The following ARHGEF3 variants were observed in gnomAD, a reference collection of about 807,000 sequenced individuals.
ARHGEF3 encodes the protein Rho guanine nucleotide exchange factor 3.
ARHGEF3 carries 28 observed loss-of-function variants against 63.2 expected under a neutral mutation model. The observed-to-expected ratio is 0.44, with a 90% CI of 0.33 to 0.61. ARHGEF3 has a LOEUF of 0.61. Among genes scored for constraint, ARHGEF3 ranks in the 20% least tolerant of loss-of-function variants. The pLI, the probability that ARHGEF3 is intolerant of heterozygous loss-of-function variation, is 0.03. For synonymous variants in ARHGEF3, 266 were observed against 254.2 expected, an observed-to-expected ratio of 1.05 and a Z score of -0.44; for missense variants, 533 against 659.3, an observed-to-expected ratio of 0.81 and a Z score of 2.10.
chr3:56,770,554 T>C (rs1214092656), intron 2 of ARHGEF3, among the ~76,000 whole-genome samples: 1 of 152,192 alleles, frequency 6.6e-6, no homozygotes, highest in Non-Finnish European at 1.5e-5. Context: ...CCATAGAAGT[T>C]GCACCGTGTG....
intron 4 of ARHGEF3, among the ~76,000 whole-genome samples, chr3:56,816,651 G>A (rs913682487): frequency 2.0e-5 from 3 of 152,190 alleles, no homozygotes; most frequent in Admixed American, 1.3e-4. Context: ...AGTATCTCAA[G>A]TAATCCTTAC....
intron 3 of ARHGEF3, among the ~76,000 whole-genome samples, chr3:56,921,227 A>G (rs34587696): frequency 6.0e-5 from 9 of 148,806 alleles, no homozygotes; most frequent in African/African-American, 1.5e-4. Context: ...AAAGACCAAA[A>G]AAAAAAAGGT....
At chr3:56,926,104 G>T (rs578142290) in intron 3 of ARHGEF3, among the ~76,000 whole-genome samples, 83 of 152,340 alleles carry the variant, frequency 5.4e-4, no homozygotes, top group African/African-American at 2.0e-3. Context: ...GAAGCACTAG[G>T]CTGCAGAGGA....
intron 2 of ARHGEF3, among the ~76,000 whole-genome samples, chr3:56,986,532 C>T (rs909324110): frequency 3.3e-5 from 5 of 152,112 alleles, no homozygotes; most frequent in African/African-American, 9.7e-5. Flanking sequence ...TAGAAGAGGC[C>T]GGAAGCAACA....
intron 1 of ARHGEF3, among the ~76,000 whole-genome samples, chr3:56,799,164 AT>A (rs1325899962): frequency 7.9e-5 from 12 of 152,126 alleles, no homozygotes; most frequent in Non-Finnish European, 1.6e-4. Context: ...ATTTTTGCAT[AT>A]TTTTTTACTC....
Position 56,727,851 on chromosome 3 carries a change from A to G in ARHGEF3, c.*1419T>C, listed in dbSNP as rs953860141. 2 of 152,658 alleles carry G rather than the reference A, an allele frequency of 1.3e-5. No individual in the cohort carries two copies. The highest frequency in any genetic ancestry group is 2.9e-5 in the Non-Finnish European group (2 of 68,046). 9.5% of individuals were successfully genotyped at this position (152,658 alleles called of 1,614,324 possible). A position where few individuals can be genotyped will look rare whatever the true frequency, so the allele number is the denominator to read the frequency against. On this transcript the variant is annotated 3_prime_UTR_variant, in exon 10 of 10. Transcript: ENST00000296315. ...TGTTTTTATATTGATATATCTTGTC[A>G]CACAGCTTGAATGCACATGATATAT...
chr3:57,015,845 T>TA (rs777766303), intron 2 of ARHGEF3, among the ~76,000 whole-genome samples: 6 of 152,106 alleles, frequency 3.9e-5, no homozygotes, highest in African/African-American at 1.2e-4. Flanking sequence ...CCACCCTTGT[T>TA]ACATTTTCAA....
intron 2 of ARHGEF3, among the ~76,000 whole-genome samples, chr3:56,992,024 C>CTCTCTGTGTGTGTG (rs1239113895): frequency 4.6e-5 from 6 of 131,718 alleles, no homozygotes; most frequent in African/African-American, 1.7e-4. Context: ...CCTCCTCTCT[C>CTCTCTGTGTGTGTG]TGTGTGTGTG....
chr3:56,862,893 T>A (rs557782672), intron 4 of ARHGEF3, among the ~76,000 whole-genome samples: 1 of 152,296 alleles, frequency 6.6e-6, no homozygotes, highest in East Asian at 1.9e-4. Context: ...ATTCTTACAT[T>A]CACTCCTACT....
At chr3:56,776,499 C>A (rs1490402215) in intron 1 of ARHGEF3, among the ~76,000 whole-genome samples, 1 of 152,152 alleles carries the variant, frequency 6.6e-6, no homozygotes, top group Non-Finnish European at 1.5e-5. Context: ...ATGGGGGAGG[C>A]TTTATGCCTA....
chr3:56,972,985 GTGGT>G (rs1157612413), intron 2 of ARHGEF3, among the ~76,000 whole-genome samples: 2 of 151,540 alleles, frequency 1.3e-5, no homozygotes, highest in African/African-American at 4.9e-5. Flanking sequence ...GGCAGTGGGG[GTGGT>G]GAGGAGTAGT....
In ARHGEF3 at chr3:56,729,150, G is replaced by T; in HGVS notation, c.*120C>A. ...CAAAGGTACAGATACGAGAGACTGG[G>T]CCAACATGTATACTTTCACAAAAGT... On this transcript the variant is annotated 3_prime_UTR_variant, in exon 10 of 10. Transcript: ENST00000296315. The T allele has an allele frequency of 1.2e-6, 1 of 838,452 alleles. No individual in the cohort carries two copies. Among genetic ancestry groups the T allele is most frequent in the Non-Finnish European group, 1.8e-6 (1 of 550,982 alleles). The allele number at this position is 838,452 out of a possible 1,614,324, so 51.9% of individuals were successfully genotyped here.
At chr3:56,947,405 T>C (rs1017744562) in intron 3 of ARHGEF3, among the ~76,000 whole-genome samples, 10 of 152,158 alleles carry the variant, frequency 6.6e-5, no homozygotes, top group South Asian at 6.2e-4. Context: ...GAGACACATA[T>C]AGGCTCAAAA....
At chr3:56,781,249 T>C (rs939459729) in intron 1 of ARHGEF3, among the ~76,000 whole-genome samples, 1 of 151,610 alleles carries the variant, frequency 6.6e-6, no homozygotes, top group Non-Finnish European at 1.5e-5. Context: ...TTGTCTTTTT[T>C]TTTTTTTTCT....
chr3:56,756,791 C>T (rs549289624), intron 2 of ARHGEF3, among the ~76,000 whole-genome samples: 11 of 152,084 alleles, frequency 7.2e-5, no homozygotes, highest in Non-Finnish European at 5.9e-5. Context: ...CCTCGTGATC[C>T]GCCCGCCTCG....
intron 1 of ARHGEF3, among the ~76,000 whole-genome samples, chr3:57,054,441 G>A (rs1163903337): frequency 4.0e-5 from 6 of 150,466 alleles, no homozygotes; most frequent in Non-Finnish European, 8.9e-5. Context: ...ACCAGCCTGG[G>A]CAGCATGGTG....
chr3:56,813,216 C>T (rs1328539994), intron 4 of ARHGEF3, among the ~76,000 whole-genome samples: 1 of 152,188 alleles, frequency 6.6e-6, no homozygotes, highest in Non-Finnish European at 1.5e-5. Flanking sequence ...ATCCAAAACA[C>T]ACAACAGATA....
Position 56,755,064 on chromosome 3 carries a change from G to A in ARHGEF3, c.292C>T (p.Arg98Trp), listed in dbSNP as rs745481474. The change falls in exon 3 of 10, where the codon CGG becomes TGG. Residue 98 changes from arginine (R) to tryptophan (W), a missense_variant. By Grantham distance (101) the Arg-to-Trp change is moderately radical. Around this residue, in one of 4 missense-constraint regions of ARHGEF3, gnomAD observed 160 missense variants for 157.3 expected, o/e 1.02. Coordinates refer to ENST00000296315, the MANE Select transcript of ARHGEF3 (RefSeq NM_019555.3). Reference sequence around the variant, plus strand: ...TCACTCCACAGCTTGCTATCTCTCCGTTTCGTGCTCGAGGGGGCGGCATTT... The same window carrying A: ...TCACTCCACAGCTTGCTATCTCTCCATTTCGTGCTCGAGGGGGCGGCATTT... Reference protein sequence around the residue: ...SRNAAPSSTKRRDSKLWSETF... With the variant: ...SRNAAPSSTKWRDSKLWSETF... 2 of 1,614,082 alleles carry A rather than the reference G, an allele frequency of 1.2e-6. No individual in the cohort carries two copies. The highest frequency in any genetic ancestry group is 1.7e-6 in the Non-Finnish European group (2 of 1,180,022).
At chr3:56,989,785 C>T (rs191683282) in intron 2 of ARHGEF3, among the ~76,000 whole-genome samples, 5 of 152,344 alleles carry the variant, frequency 3.3e-5, no homozygotes, top group African/African-American at 1.2e-4. Flanking sequence ...TTTCTGCTCA[C>T]TCAGACTTTA....
Sources: gnomAD v4.1 joint callset for allele counts (sites outside exome capture counted in the v4.1 genomes callset) on GRCh38, gnomAD v4.1.1 for gene constraint, gnomAD v4.1.1 regional missense constraint, MANE v1.5 for transcripts, NCBI Gene and HGNC (gene_info 2026-07-23, HGNC 2026-07-21) for gene names.